TEN1: variants seen among roughly 807,000 people sequenced by gnomAD.
TEN1 encodes the protein TEN1 subunit of CST complex, also known as CST complex subunit TEN1.
A neutral mutation model predicts 9.3 loss-of-function variants in TEN1; 6 were observed. The ratio of observed to expected loss-of-function variants is 0.65; its 90% CI spans 0.35 to 1.27. The LOEUF is 1.27. TEN1 is among the 50% of genes most tolerant of loss of function. The pLI is 0.03. For missense variants in TEN1, 149 were observed against 158.2 expected, an observed-to-expected ratio of 0.94 and a Z score of 0.31; for synonymous variants, 65 against 65.6, an observed-to-expected ratio of 0.99 and a Z score of 0.04.
At chr17:75,981,819 G>A (rs767806140) in intron 1 of TEN1, among the ~76,000 whole-genome samples, 3 of 152,046 alleles carry the variant, frequency 2.0e-5, no homozygotes, top group Non-Finnish European at 2.9e-5. Flanking sequence ...AGCGAGGTCA[G>A]GAGATCGAGA....
chr17:75,983,583 A>C (rs549483345), intron 1 of TEN1, among the ~76,000 whole-genome samples: 2 of 152,210 alleles, frequency 1.3e-5, no homozygotes, highest in Non-Finnish European at 2.9e-5. Flanking sequence ...AAATCATTTC[A>C]TGGAGAGCAT....
chr17:75,986,948 T>G (rs9892879), intron 2 of TEN1, among the ~76,000 whole-genome samples: 1 of 151,780 alleles, frequency 6.6e-6, no homozygotes, highest in African/African-American at 2.4e-5. Flanking sequence ...TGTCAGTTAT[T>G]TATCAGTTAT....
At chr17:75,993,918 C>A (rs1015500907) in intron 3 of TEN1, among the ~76,000 whole-genome samples, 1 of 151,904 alleles carries the variant, frequency 6.6e-6, no homozygotes, top group Non-Finnish European at 1.5e-5. Flanking sequence ...ATCGCTTGAA[C>A]CCGGGAGGCG....
chr17:75,991,853 C>T (rs886813972), intron 3 of TEN1, among the ~76,000 whole-genome samples: 10 of 152,250 alleles, frequency 6.6e-5, no homozygotes, highest in Non-Finnish European at 1.3e-4. Context: ...TCGAGACCAG[C>T]CTAGCCAACA....
chr17:75,992,423 G>A (rs2066191696), intron 3 of TEN1, among the ~76,000 whole-genome samples: 1 of 151,904 alleles, frequency 6.6e-6, no homozygotes, highest in African/African-American at 2.4e-5. Context: ...GAGACAAGGT[G>A]TCATTATTTT....
intron 1 of TEN1, 105 bp downstream of exon 1, chr17:75,979,616 C>T (rs777897575): frequency 3.5e-5 from 8 of 225,916 alleles, no homozygotes; most frequent in East Asian, 1.2e-4. Flanking sequence ...CTTCCGGGTC[C>T]GTGCCCCTAG....
rs374622006 is a variant in TEN1, at chr17:76,000,114, G to T, written c.251-27G>T. Reference sequence around the variant, plus strand: ...GTTGTTGACACGCCGCTCAGTCGCCGTTCGTGCCCTGGTGTTTGTCTTGCA... The same window carrying T: ...GTTGTTGACACGCCGCTCAGTCGCCTTTCGTGCCCTGGTGTTTGTCTTGCA... On this transcript the variant is annotated intron_variant, in intron 3 of 3. Transcript: ENST00000397640. The surrounding 1 kb of genome is among the most constrained non-coding windows in gnomAD (Gnocchi z 5.9). 6.5e-7 allele frequency: 1 copy of T among 1,547,934 alleles called. No individual in the cohort carries two copies. Among genetic ancestry groups the T allele is most frequent in the South Asian group, 1.2e-5 (1 of 83,910 alleles).
intron 2 of TEN1, among the ~76,000 whole-genome samples, chr17:75,987,588 A>G (rs986766749): frequency 6.6e-6 from 1 of 152,074 alleles, no homozygotes; most frequent in Non-Finnish European, 1.5e-5. Flanking sequence ...ATCACAGGGG[A>G]CCATCTTAGA....
chr17:76,000,268 A>G lies in TEN1; in HGVS notation c.*6A>G. On this transcript the variant is annotated 3_prime_UTR_variant, in exon 4 of 4. Coordinates refer to ENST00000397640, the MANE Select transcript of TEN1 (RefSeq NM_001113324.3). The surrounding 1 kb of genome is among the most constrained non-coding windows in gnomAD (Gnocchi z 5.9). ...AGCGGGGCGGCAGCCAGTAGGAAAC[A>G]GCAGCCTAGCAACACCCTCACCTGC... 2.6e-6 allele frequency: 4 copies of G among 1,550,618 alleles called. No individual in the cohort carries two copies. The highest frequency in any genetic ancestry group is 3.5e-6 in the Non-Finnish European group (4 of 1,146,512).
At chr17:75,999,435 T>C (rs1308894109) in intron 3 of TEN1, among the ~76,000 whole-genome samples, 2 of 151,968 alleles carry the variant, frequency 1.3e-5, no homozygotes, top group Non-Finnish European at 2.9e-5. Flanking sequence ...CTCCACCTCC[T>C]GGGTTCAAGC....
At chr17:75,995,678 C>T (rs564852379) in intron 3 of TEN1, among the ~76,000 whole-genome samples, 12 of 152,330 alleles carry the variant, frequency 7.9e-5, no homozygotes, top group East Asian at 1.9e-4. Context: ...CAGAGGCCCT[C>T]GGAGCATGCC....
intron 3 of TEN1, among the ~76,000 whole-genome samples, chr17:75,997,139 C>T (rs1285983379): frequency 6.6e-6 from 1 of 152,156 alleles, no homozygotes; most frequent in Non-Finnish European, 1.5e-5. Context: ...CTTTCTCCCC[C>T]ATCTCTCTTC....
chr17:75,979,629 C>T (rs922769987), intron 1 of TEN1, 118 bp downstream of exon 1: 1 of 195,520 alleles, frequency 5.1e-6, no homozygotes, highest in Non-Finnish European at 1.1e-5. Flanking sequence ...GCCCCTAGGC[C>T]TCTCCGAAAT....
chr17:75,987,765 A>C (rs1467651947), intron 2 of TEN1, among the ~76,000 whole-genome samples: 2 of 151,884 alleles, frequency 1.3e-5, no homozygotes, highest in African/African-American at 4.8e-5. Flanking sequence ...AAAAATACAA[A>C]AATTAGCCGG....
In TEN1 at chr17:75,986,278, T is replaced by A. The variant is rs1485869353; in HGVS notation, c.86T>A (p.Phe29Tyr). Reference protein sequence around the residue: ...QVPDGSTLRTFGRLCLYDMIQ... With the variant: ...QVPDGSTLRTYGRLCLYDMIQ... ...CCTGATGGGAGCACGCTGAGAACAT[T>A]TGGCAGGTGAGAACGGTTATTTTTT... Residue 29 changes from phenylalanine to tyrosine, a missense_variant, in exon 2 of 4, where the codon TTT (phenylalanine) becomes TAT (tyrosine). Transcript: ENST00000397640. The A allele has an allele frequency of 6.5e-7, 1 of 1,546,094 alleles. No homozygotes were observed. Among genetic ancestry groups the A allele is most frequent in the African/African-American group, 1.4e-5 (1 of 72,910 alleles).
intron 2 of TEN1, 80 bp downstream of exon 2, chr17:75,986,364 G>A: frequency 7.9e-7 from 1 of 1,260,308 alleles, no homozygotes; most frequent in Non-Finnish European, 1.1e-6. Context: ...GACATAATTA[G>A]AAAAGATTTT....
In TEN1 at chr17:75,991,555, T is replaced by G. The variant is rs1032051988; in HGVS notation, c.182T>G (p.Leu61Trp). 1 of 1,552,168 alleles carries G rather than the reference T, an allele frequency of 6.4e-7. No individual in the cohort carries two copies. Among genetic ancestry groups the G allele is most frequent in the African/African-American group, 1.4e-5 (1 of 73,036 alleles). Residue 61 changes from leucine (L) to tryptophan (W), a missense_variant, in exon 3 of 4, where the codon TTG becomes TGG. Transcript: ENST00000397640. ...DQHQVLVCTK[L>W]VEPFHAQVGS... is the part of the protein sequence containing the mutation. ...CACCAGGTTCTTGTCTGTACCAAGT[T>G]GGTGGAGCCCTTCCACGCCCAGGTG... is the stretch of plus-strand genomic sequence containing the variant.
chr17:75,991,164 AAAAAGAAAAAAG>A (rs2066183287), intron 2 of TEN1, among the ~76,000 whole-genome samples: 1 of 150,610 alleles, frequency 6.6e-6, no homozygotes, highest in African/African-American at 2.4e-5. Context: ...AAAAAAAAAA[AAAAAGAAAAAAG>A]AAAAAGAAAA....
intron 2 of TEN1, 49 bp from the exon 3 acceptor site, chr17:75,991,417 G>A: frequency 6.5e-7 from 1 of 1,540,660 alleles, no homozygotes; most frequent in African/African-American, 1.4e-5. Flanking sequence ...TGAGCGTGGT[G>A]GTGATTCTAC....
Sources: allele counts gnomAD v4.1 joint callset (sites outside exome capture counted in the v4.1 genomes callset), GRCh38; gene constraint gnomAD v4.1.1; non-coding constraint Gnocchi (gnomAD v3.1); transcripts MANE v1.5; gene names NCBI Gene and HGNC (gene_info 2026-07-23, HGNC 2026-07-21).